Variants in HLA-DMB observed in about 807,000 individuals in gnomAD.
HLA-DMB encodes the protein major histocompatibility complex, class II, DM beta.
In HLA-DMB, 18 loss-of-function variants were observed where a neutral mutation model predicts 29.3. That is an observed-to-expected ratio of 0.62 (90% CI 0.43 to 0.91). The LOEUF is 0.91. HLA-DMB is among the 40% of genes least tolerant of loss of function. The pLI is 0.00. For missense variants in HLA-DMB, 258 were observed against 320.9 expected (o/e 0.80, Z 1.50); for synonymous variants, 143 against 128.7 (o/e 1.11, Z -0.75).
At position 32,934,908 on chromosome 6, in the gene HLA-DMB, A is replaced by C; in HGVS notation, c.*63T>G. The C allele has an allele frequency of 6.8e-7, 1 of 1,473,940 alleles. No individual in the cohort carries two copies. Among genetic ancestry groups the C allele is most frequent in the Non-Finnish European group, 9.5e-7 (1 of 1,053,526 alleles). The allele number at this position is 1,473,940 out of a possible 1,614,324, so 91.3% of individuals were successfully genotyped here. On this transcript the variant is annotated 3_prime_UTR_variant, in exon 6 of 6. Transcript: ENST00000418107. ...AGGGGGTTGAAGATGTTGGAGAGGC[A>C]TGGTAGCATCATTGAGTTTGAATCT...
chr6:32,935,465 G>A (rs922494864), intron 4 of HLA-DMB, 71 bp downstream of exon 4: 1 of 1,492,128 alleles, frequency 6.7e-7, no homozygotes, highest in Non-Finnish European at 9.3e-7. Context: ...GAAGGAGAGA[G>A]TTAATCACAA....
At chr6:32,935,074 C>T in intron 5 of HLA-DMB, 87 bp from the exon 6 acceptor site, 2 of 1,488,298 alleles carry the variant, frequency 1.3e-6, no homozygotes, top group Non-Finnish European at 1.9e-6. Flanking sequence ...TGCCTTAATA[C>T]AGTGATACTG....
At chr6:32,940,085 T>C (rs1383708608) in intron 1 of HLA-DMB, among the ~76,000 whole-genome samples, 1 of 151,176 alleles carries the variant, frequency 6.6e-6, no homozygotes, top group African/African-American at 2.4e-5. Flanking sequence ...CAAAGAAGTG[T>C]TGAGTGTGAG....
At chr6:32,935,409 C>T (rs776146505) in intron 4 of HLA-DMB, 32 bp from the exon 5 acceptor site, 1 of 1,584,564 alleles carries the variant, frequency 6.3e-7, no homozygotes, top group Non-Finnish European at 8.7e-7. Flanking sequence ...TTATACCAGT[C>T]TTTGTGGATG....
rs1776040757 is a variant in HLA-DMB at position 32,937,001 on chromosome 6, A to G, written c.622+171T>C. The G allele has an allele frequency of 2.0e-6, 1 of 493,006 alleles. No individual in the cohort carries two copies. The highest frequency in any genetic ancestry group is 3.5e-6 in the Non-Finnish European group (1 of 287,856). The allele number at this position is 493,006 out of a possible 1,614,324, so 30.5% of individuals were successfully genotyped here. ...TGCAATTACTTTTGCACCAACCTAA[A>G]TATTTCCATTTCTTTATCCCATTTC... On this transcript the variant is annotated intron_variant, in intron 3 of 5. Transcript: ENST00000418107. This position sits in a 1 kb window ranked among gnomAD's most constrained non-coding sequence, Gnocchi z 4.1.
In HLA-DMB at chr6:32,938,880, G is replaced by T. The variant is rs766090049; in HGVS notation, c.141C>A (p.Asn47Lys). 1 of 1,612,108 alleles carries T rather than the reference G, an allele frequency of 6.2e-7. No individual in the cohort carries two copies. Among genetic ancestry groups the T allele is most frequent in the Non-Finnish European group, 8.5e-7 (1 of 1,179,622 alleles). ...GATCCCAGCAGGTCAGCAGATCCTT[G>T]TTGAAGGAGATGCAGTATGTGAAAT... ...PKDFTYCISFNKDLLTCWDPE... is the reference protein window; with the variant it reads ...PKDFTYCISFKKDLLTCWDPE... Residue 47 changes from asparagine to lysine, a missense_variant, in exon 2 of 6, where the codon AAC (asparagine) becomes AAA (lysine). Physicochemically the swap from Asn to Lys is moderately conservative, Grantham distance 94. Transcript: ENST00000418107.
At position 32,934,851 on chromosome 6, in the gene HLA-DMB, G is replaced by T. The variant is rs141082813; in HGVS notation, c.*120C>A. On this transcript the variant is annotated 3_prime_UTR_variant, in exon 6 of 6. Coordinates refer to ENST00000418107, the MANE Select transcript of HLA-DMB (RefSeq NM_002118.5). ...GGAGACTGGGAAATTCAAAGAATTG[G>T]ATGGAGAAACCATAGGATCCAAGAT... is the stretch of plus-strand genomic sequence containing the variant. 5 of 1,060,100 alleles carry T rather than the reference G, an allele frequency of 4.7e-6. No homozygotes were observed. The African/African-American group carries it at 7.9e-5, about 17-fold the overall frequency. The allele number at this position is 1,060,100 out of a possible 1,614,324, so 65.7% of individuals were successfully genotyped here.
rs1233877251 is a variant in HLA-DMB, at chr6:32,937,453, G to A, written c.341C>T (p.Pro114Leu). The change falls in exon 3 of 6, where the codon CCA (proline) becomes CTA (leucine). Residue 114 changes from proline to leucine, a missense_variant. By Grantham distance (98) the Pro-to-Leu change is moderately conservative. Coordinates refer to ENST00000418107, the MANE Select transcript of HLA-DMB (RefSeq NM_002118.5). This position sits in a 1 kb window ranked among gnomAD's most constrained non-coding sequence, Gnocchi z 4.1. ...GGTTTTGGCTACTTGCACAGATGGTGGCCCTGCATAGGAGAAAAAAACATG... is the reference window on the plus strand; with the variant it reads ...GGTTTTGGCTACTTGCACAGATGGTAGCCCTGCATAGGAGAAAAAAACATG... Reference protein sequence around the residue: ...FWGSLTNRTRPPSVQVAKTTP... With the variant: ...FWGSLTNRTRLPSVQVAKTTP... 9 of 1,612,690 alleles carry A rather than the reference G, an allele frequency of 5.6e-6. No homozygotes were observed. The highest frequency in any genetic ancestry group is 7.6e-6 in the Non-Finnish European group (9 of 1,178,962).
At chr6:32,935,991 C>T (rs1460507633) in intron 3 of HLA-DMB, 2 of 307,220 alleles carry the variant, frequency 6.5e-6, no homozygotes, top group East Asian at 1.2e-4. Flanking sequence ...ACTGTCCTCT[C>T]CATTGCCCCC....
At position 32,935,628 on chromosome 6, in the gene HLA-DMB, G is replaced by A. The variant is rs774065296; in HGVS notation, c.647C>T (p.Thr216Ile). 5 of 1,612,738 alleles carry A rather than the reference G, an allele frequency of 3.1e-6. No homozygotes were observed. Among genetic ancestry groups the A allele is most frequent in the East Asian group, 2.2e-5 (1 of 44,862 alleles). Residue 216 changes from threonine to isoleucine, a missense_variant, in exon 4 of 6, where the codon ACC (threonine) becomes ATC (isoleucine). By Grantham distance (89) the Thr-to-Ile change is moderately conservative. Transcript: ENST00000418107. Reference sequence around the variant, plus strand: ...CACTGCAGACACAGAAACCTTCAGGGTCTGCATGGGGGACAGCCCAGGTGC... The same window carrying A: ...CACTGCAGACACAGAAACCTTCAGGATCTGCATGGGGGACAGCCCAGGTGC... ...DWTPGLSPMQ[T>I]LKVSVSAVTL...
Position 32,937,112 on chromosome 6 carries a change from C to A in HLA-DMB, c.622+60G>T, listed in dbSNP as rs778415820. On this transcript the variant is annotated intron_variant, in intron 3 of 5. Transcript: ENST00000418107. This position sits in a 1 kb window ranked among gnomAD's most constrained non-coding sequence, Gnocchi z 4.1. The stretch of plus-strand genomic sequence containing the variant: ...TCGCTGTCTACCATGTACCATGTAT[C>A]GATCCACATCTCATTTTCTCTGCTT... 1.4e-6 allele frequency: 2 copies of A among 1,430,810 alleles called. No homozygotes were observed. Among genetic ancestry groups the A allele is most frequent in the African/African-American group, 1.4e-5 (1 of 70,458 alleles). 88.6% of individuals were successfully genotyped at this position (1,430,810 alleles called of 1,614,324 possible).
chr6:32,937,862 T>A lies in HLA-DMB; in HGVS notation c.338-406A>T, dbSNP rs1776100937. Reference sequence around the variant, plus strand: ...AAAGGAATTTTTCTCCAAATCTTGTTTAATACGTTCTTTTGCTAGTTAAAG... The same window carrying A: ...AAAGGAATTTTTCTCCAAATCTTGTATAATACGTTCTTTTGCTAGTTAAAG... On this transcript the variant is annotated intron_variant, in intron 2 of 5. Transcript: ENST00000418107. This position sits in a 1 kb window ranked among gnomAD's most constrained non-coding sequence, Gnocchi z 4.1. The A allele has an allele frequency of 5.4e-6, 1 of 183,910 alleles. No individual in the cohort carries two copies. Among genetic ancestry groups the A allele is most frequent in the Non-Finnish European group, 1.1e-5 (1 of 89,180 alleles). The allele number at this position is 183,910 out of a possible 1,614,324, so 11.4% of individuals were successfully genotyped here.
chr6:32,936,607 G>T (rs1776011728), intron 3 of HLA-DMB: 1 of 152,422 alleles, frequency 6.6e-6, no homozygotes, highest in South Asian at 2.1e-4. Flanking sequence ...GAGCATGCAT[G>T]CCAAATGGTC....
In HLA-DMB at chr6:32,937,741, T is replaced by C; in HGVS notation, c.338-285A>G. 1 of 439,402 alleles carries C rather than the reference T, an allele frequency of 2.3e-6. No homozygotes were observed. The highest frequency in any genetic ancestry group is 3.7e-5 in the East Asian group (1 of 27,334). The allele number at this position is 439,402 out of a possible 1,614,324, so 27.2% of individuals were successfully genotyped here. ...TCTGAACTGCAAGCTGTTCTAGAAG[T>C]TGTTGTATTTATTTCAAGTACATAA... On this transcript the variant is annotated intron_variant, in intron 2 of 5. Coordinates refer to ENST00000418107, the MANE Select transcript of HLA-DMB (RefSeq NM_002118.5). The surrounding 1 kb of genome is among the most constrained non-coding windows in gnomAD (Gnocchi z 4.1).
In HLA-DMB at chr6:32,937,834, G is replaced by A. The variant is rs923915376; in HGVS notation, c.338-378C>T. On this transcript the variant is annotated intron_variant, in intron 2 of 5. Transcript: ENST00000418107. This position sits in a 1 kb window ranked among gnomAD's most constrained non-coding sequence, Gnocchi z 4.1. ...GTTGTACATTGGGTTTTTTTAAGGTGGAAAAGGAATTTTTCTCCAAATCTT... is the reference window on the plus strand; with the variant it reads ...GTTGTACATTGGGTTTTTTTAAGGTAGAAAAGGAATTTTTCTCCAAATCTT... 4 of 205,742 alleles carry A rather than the reference G, an allele frequency of 1.9e-5. No homozygotes were observed. Among genetic ancestry groups the A allele is most frequent in the Non-Finnish European group, 2.9e-5 (3 of 103,626 alleles). 12.7% of individuals were successfully genotyped at this position (205,742 alleles called of 1,614,324 possible).
At chr6:32,936,566 A>C (rs57735397) in intron 3 of HLA-DMB, 1 of 152,310 alleles carries the variant, frequency 6.6e-6, no homozygotes, top group African/African-American at 2.4e-5. Context: ...CAGTGTTTGA[A>C]CTGTAAGTAA....
In HLA-DMB at chr6:32,934,851, G is replaced by A. The variant is rs141082813; in HGVS notation, c.*120C>T. 134 of 1,060,218 alleles carry A rather than the reference G, an allele frequency of 1.3e-4. 2 individuals are homozygous for A. In the East Asian group the frequency reaches 3.1e-3, roughly 24 times the overall value. 65.7% of individuals were successfully genotyped at this position (1,060,218 alleles called of 1,614,324 possible). The stretch of plus-strand genomic sequence containing the variant: ...GGAGACTGGGAAATTCAAAGAATTG[G>A]ATGGAGAAACCATAGGATCCAAGAT... On this transcript the variant is annotated 3_prime_UTR_variant, in exon 6 of 6. Transcript: ENST00000418107.
intron 1 of HLA-DMB, among the ~76,000 whole-genome samples, chr6:32,940,475 G>A (rs887635340): frequency 6.6e-6 from 1 of 152,074 alleles, no homozygotes; most frequent in African/African-American, 2.4e-5. Context: ...ACATATTTAT[G>A]AAGCACTTGC....
At position 32,935,007 on chromosome 6, in the gene HLA-DMB, G is replaced by C. The variant is rs1775916307; in HGVS notation, c.776-20C>G. On this transcript the variant is annotated intron_variant, in intron 5 of 5. Coordinates refer to ENST00000418107, the MANE Select transcript of HLA-DMB (RefSeq NM_002118.5). ...GCCATCCTACAGAATAAATAAAAGGGAGATAATGAGGCTTCAACCCAACTT... is the reference window on the plus strand; with the variant it reads ...GCCATCCTACAGAATAAATAAAAGGCAGATAATGAGGCTTCAACCCAACTT... 6.2e-7 allele frequency: 1 copy of C among 1,612,560 alleles called. No individual in the cohort carries two copies. Among genetic ancestry groups the C allele is most frequent in the African/African-American group, 1.3e-5 (1 of 74,884 alleles).
Sources: gnomAD v4.1 joint callset for allele counts (sites outside exome capture counted in the v4.1 genomes callset) on GRCh38, gnomAD v4.1.1 for gene constraint, Gnocchi (gnomAD v3.1) non-coding constraint, MANE v1.5 for transcripts, NCBI Gene and HGNC (gene_info 2026-07-23, HGNC 2026-07-21) for gene names.